The following WWP2 variants were observed in gnomAD, a reference collection of about 807,000 sequenced individuals.
WWP2 encodes the protein NEDD4-like E3 ubiquitin-protein ligase WWP2.
In WWP2, 57 loss-of-function variants were observed where a neutral mutation model predicts 121.0. That is an observed-to-expected ratio of 0.47 (90% CI 0.38 to 0.59). WWP2 has a LOEUF of 0.59. Among genes scored for constraint, WWP2 ranks in the 20% least tolerant of loss-of-function variants. The probability of loss-of-function intolerance (pLI) is 0.00; values close to 1 mark genes in which losing one functional copy is unlikely to be tolerated. For missense variants in WWP2, 962 were observed against 1,158.9 expected (o/e 0.83, Z 2.47); for synonymous variants, 449 against 441.3 (o/e 1.02, Z -0.22).
chr16:69,809,703 G>A (rs567911226), intron 4 of WWP2, among the ~76,000 whole-genome samples: 102 of 152,248 alleles, frequency 6.7e-4, no homozygotes, highest in African/African-American at 2.3e-3. Flanking sequence ...AGGAGGCAGA[G>A]GTTGCAGTGA....
At chr16:69,910,354 T>C in intron 9 of WWP2, 2 of 983,332 alleles carry the variant, frequency 2.0e-6, no homozygotes, top group Non-Finnish European at 2.4e-6. Flanking sequence ...ATTACACACT[T>C]GTACTTTGTG....
chr16:69,929,449 G>A lies in WWP2; in HGVS notation c.1236G>A (p.Glu412=). 6.2e-7 allele frequency: 1 copy of A among 1,613,784 alleles called. No homozygotes were observed. Among genetic ancestry groups the A allele is most frequent in the Non-Finnish European group, 8.5e-7 (1 of 1,179,724 alleles). The change falls in exon 12 of 24, where the codon GAG becomes GAA. Residue 412 remains glutamate (E), a splice_region_variant and synonymous_variant. Coordinates refer to ENST00000359154, the MANE Select transcript of WWP2 (RefSeq NM_001270454.2). ...TCTTTCTTTCTTCTCATGTGGCAGA[G>A]AAGAGACAGGACAATGGACGGGTGT... is the stretch of plus-strand genomic sequence containing the variant. The part of the protein sequence containing the change: ...DPLGPLPPGW[E]KRQDNGRVYY...
chr16:69,843,410 G>A lies in WWP2; in HGVS notation c.575+1290G>A, dbSNP rs545760384. 3.1e-3 allele frequency among the ~76,000 whole-genome samples: 467 copies of A among 152,228 alleles called. 4 individuals carry two copies. Among genetic ancestry groups the A allele is most frequent in the African/African-American group, 0.01 (431 of 41,534 alleles). On this transcript the variant is annotated intron_variant, in intron 6 of 23. Transcript: ENST00000359154. ...AATAGTTCTAAGTATAAAGAGATGA[G>A]GGGAGAGGGTTGGCACCTTTGTTTA...
intron 10 of WWP2, among the ~76,000 whole-genome samples, chr16:69,921,467 C>G (rs1258231418): frequency 6.6e-6 from 1 of 152,194 alleles, no homozygotes; most frequent in East Asian, 1.9e-4. Context: ...AAGGGAATCC[C>G]AGATTGCAGT....
intron 4 of WWP2, among the ~76,000 whole-genome samples, chr16:69,835,232 C>T (rs1030215852): frequency 1.3e-5 from 2 of 152,130 alleles, no homozygotes; most frequent in East Asian, 1.9e-4. Flanking sequence ...ACAGAGGGCC[C>T]CAGAGGTGAG....
At chr16:69,822,929 G>A (rs1199848480) in intron 4 of WWP2, among the ~76,000 whole-genome samples, 3 of 152,198 alleles carry the variant, frequency 2.0e-5, no homozygotes, top group Non-Finnish European at 4.4e-5. Context: ...TTGAGGCCAG[G>A]AATTCAAGAC....
At chr16:69,924,475 T>C (rs1201287017) in intron 10 of WWP2, among the ~76,000 whole-genome samples, 1 of 152,074 alleles carries the variant, frequency 6.6e-6, no homozygotes, top group Non-Finnish European at 1.5e-5. Flanking sequence ...AATACTTGTT[T>C]TATTTAACGA....
chr16:69,934,152 C>T (rs1195050835), intron 17 of WWP2, 23 bp downstream of exon 17: 1 of 1,612,508 alleles, frequency 6.2e-7, no homozygotes, highest in Non-Finnish European at 8.5e-7. Flanking sequence ...CAGGGGTCTG[C>T]CTAGTTCCCT....
intron 6 of WWP2, among the ~76,000 whole-genome samples, chr16:69,851,761 G>T (rs892732133): frequency 3.3e-5 from 5 of 151,948 alleles, no homozygotes; most frequent in African/African-American, 4.8e-5. Flanking sequence ...CAGGCATATC[G>T]CAAGGTCAAG....
In WWP2 at chr16:69,917,901, T is replaced by TGGCC. The variant is rs1567431281; in HGVS notation, c.1179+19_1179+22dup. ...TCTACCAGGTGAGAGGGCAGGCGCT[T>TGGCC]GGCCCGAGGTGGGGCCGCCTCCCTG... On this transcript the variant is annotated intron_variant, in intron 10 of 23. Transcript: ENST00000359154. 4 of 1,600,488 alleles carry TGGCC rather than the reference T, an allele frequency of 2.5e-6. No homozygotes were observed. The South Asian group carries it at 4.4e-5, about 18-fold the overall frequency.
At position 69,908,758 on chromosome 16, in the gene WWP2, C is replaced by G; in HGVS notation, c.915-3C>G. 1 of 1,614,046 alleles carries G rather than the reference C, an allele frequency of 6.2e-7. No homozygotes were observed. The highest frequency in any genetic ancestry group is 8.5e-7 in the Non-Finnish European group (1 of 1,179,944). Reference sequence around the variant, plus strand: ...TCATGCTACCCTTGACTTTATTTTTCAGATGGGAACAGCGAGAGCTGCCCA... The same window carrying G: ...TCATGCTACCCTTGACTTTATTTTTGAGATGGGAACAGCGAGAGCTGCCCA... On this transcript the variant is annotated splice_polypyrimidine_tract_variant and splice_region_variant and intron_variant, in intron 8 of 23. Coordinates refer to ENST00000359154, the MANE Select transcript of WWP2 (RefSeq NM_001270454.2).
intron 4 of WWP2, among the ~76,000 whole-genome samples, chr16:69,812,886 A>G (rs1219462715): frequency 1.3e-5 from 2 of 152,162 alleles, no homozygotes; most frequent in African/African-American, 4.8e-5. Context: ...GTCAATGAAA[A>G]GGTATTATAA....
intron 10 of WWP2, among the ~76,000 whole-genome samples, chr16:69,922,691 C>A (rs1222734818): frequency 6.6e-6 from 1 of 152,226 alleles, no homozygotes; most frequent in African/African-American, 2.4e-5. Context: ...GGCCATGATG[C>A]ATAGTTTTTA....
rs117332841 is a variant in WWP2 at position 69,828,863 on chromosome 16, G to A, written c.341-11263G>A. Among the ~76,000 whole-genome samples the A allele has an allele frequency of 6.2e-3, 949 of 152,154 alleles. 8 individuals carry two copies. Among genetic ancestry groups the A allele is most frequent in the Non-Finnish European group, 0.011 (752 of 68,008 alleles). ...CCTTCCTCTCTATGCAAACCACCGT[G>A]TGCAGGTGAGCCACAGATTTGAATC... On this transcript the variant is annotated intron_variant, in intron 4 of 23. Coordinates refer to ENST00000359154, the MANE Select transcript of WWP2 (RefSeq NM_001270454.2).
At chr16:69,878,897 G>A (rs1046879796) in intron 7 of WWP2, among the ~76,000 whole-genome samples, 4 of 152,120 alleles carry the variant, frequency 2.6e-5, no homozygotes, top group African/African-American at 9.7e-5. Flanking sequence ...TTAGCAGACC[G>A]TCTTTCTAAG....
Position 69,937,308 on chromosome 16 carries a change from C to A in WWP2, c.2238+70C>A. On this transcript the variant is annotated intron_variant, in intron 20 of 23. Transcript: ENST00000359154. This position sits in a 1 kb window ranked among gnomAD's most constrained non-coding sequence, Gnocchi z 6.6. ...GCGATCCTGCTCTGTGATACGCTCA[C>A]TGTGTACCCACAGACACTCAGCGTA... 6.3e-7 allele frequency: 1 copy of A among 1,585,650 alleles called. No individual in the cohort carries two copies. The highest frequency in any genetic ancestry group is 8.6e-7 in the Non-Finnish European group (1 of 1,165,286).
intron 4 of WWP2, among the ~76,000 whole-genome samples, chr16:69,838,574 G>A (rs918264010): frequency 1.3e-5 from 2 of 152,152 alleles, no homozygotes; most frequent in Non-Finnish European, 2.9e-5. Flanking sequence ...TTCAGGATGT[G>A]GACTAAGCTG....
At chr16:69,823,757 C>T (rs944839936) in intron 4 of WWP2, among the ~76,000 whole-genome samples, 12 of 152,318 alleles carry the variant, frequency 7.9e-5, no homozygotes, top group Admixed American at 1.3e-4. Context: ...CTTGAGCCAC[C>T]GTGCCCAGCC....
chr16:69,907,976 C>G (rs983996779), intron 8 of WWP2, among the ~76,000 whole-genome samples: 7 of 152,190 alleles, frequency 4.6e-5, no homozygotes, highest in Non-Finnish European at 7.3e-5. Flanking sequence ...TGCGGTGGCT[C>G]ACTCCTGTAA....
Sources: allele counts gnomAD v4.1 joint callset (sites outside exome capture counted in the v4.1 genomes callset), GRCh38; gene constraint gnomAD v4.1.1; non-coding constraint Gnocchi (gnomAD v3.1); transcripts MANE v1.5; gene names NCBI Gene and HGNC (gene_info 2026-07-23, HGNC 2026-07-21).